Variants in MEF2C observed in about 807,000 individuals in gnomAD.
MEF2C encodes myocyte-specific enhancer factor 2C.
MEF2C carries 6 observed loss-of-function variants against 50.5 expected under a neutral mutation model. That is an observed-to-expected ratio of 0.12 (90% confidence interval 0.07 to 0.23). The LOEUF is 0.23. MEF2C is among the 10% of genes least tolerant of loss of function. The pLI is 1.00. For missense variants in MEF2C, 276 were observed against 605.0 expected, an observed-to-expected ratio of 0.46 and a Z score of 5.70; for synonymous variants, 183 against 228.0, an observed-to-expected ratio of 0.80 and a Z score of 1.78.
chr5:88,725,636 T>C (rs1396893709), intron 10 of MEF2C, among the ~76,000 whole-genome samples: 1 of 152,144 alleles, frequency 6.6e-6, no homozygotes, highest in East Asian at 1.9e-4. Context: ...ATGCAAATTT[T>C]CATCTATTAC....
At chr5:88,796,716 G>T (rs1015614413) in intron 3 of MEF2C, among the ~76,000 whole-genome samples, 5 of 152,112 alleles carry the variant, frequency 3.3e-5, no homozygotes, top group African/African-American at 4.8e-5. Flanking sequence ...TGATGTTAGG[G>T]TGTCAATTTT....
intron 2 of MEF2C, among the ~76,000 whole-genome samples, chr5:88,813,077 G>A (rs1581106742): frequency 1.3e-5 from 2 of 152,192 alleles, no homozygotes; most frequent in Middle Eastern, 6.8e-3. Context: ...TGGTTTCTAG[G>A]TTCTGACAGT....
Position 88,741,262 on chromosome 5 carries a change from T to TG in MEF2C, c.637+7807dup, listed in dbSNP as rs1766628246. On this transcript the variant is annotated intron_variant, in intron 6 of 10. Transcript: ENST00000504921. ...AAGGCTAGAAAATCAAGAATGTAGATGATTATAACCATAGCTCACATTTAT... is the reference window on the plus strand; with the variant it reads ...AAGGCTAGAAAATCAAGAATGTAGATGGATTATAACCATAGCTCACATTTAT... 5.1e-6 allele frequency: 5 copies of TG among 985,224 alleles called. No homozygotes were observed. The South Asian group carries it at 2.3e-4, about 46-fold the overall frequency. 61.0% of individuals were successfully genotyped at this position (985,224 alleles called of 1,614,324 possible).
intron 4 of MEF2C, among the ~76,000 whole-genome samples, chr5:88,759,530 G>A (rs755679174): frequency 1.3e-5 from 2 of 152,086 alleles, no homozygotes; most frequent in African/African-American, 2.4e-5. Flanking sequence ...CAAATGAGCC[G>A]CTTCTTTTTT....
chr5:88,892,302 T>C (rs1048717950), intron 1 of MEF2C: 5 of 152,130 alleles, frequency 3.3e-5, no homozygotes, highest in African/African-American at 1.2e-4. Flanking sequence ...ATGCATATGG[T>C]TTAAATCTCC....
At chr5:88,780,701 T>TAAG (rs1395245685) in intron 3 of MEF2C, 3 of 891,190 alleles carry the variant, frequency 3.4e-6, no homozygotes, top group Non-Finnish European at 4.0e-6. Context: ...ATCATCACAC[T>TAAG]AAGCATTGTT....
At chr5:88,723,908 C>G (rs1449252461) in intron 10 of MEF2C, among the ~76,000 whole-genome samples, 1 of 152,130 alleles carries the variant, frequency 6.6e-6, no homozygotes, top group African/African-American at 2.4e-5. Flanking sequence ...AATTTAGAAA[C>G]TTGGAATTCT....
intron 1 of MEF2C, among the ~76,000 whole-genome samples, chr5:88,843,982 T>C (rs929653724): frequency 2.0e-5 from 3 of 152,086 alleles, no homozygotes; most frequent in African/African-American, 7.2e-5. Flanking sequence ...GATAATTTTT[T>C]TGTATTTTTA....
At chr5:88,783,225 A>T (rs1275867065) in intron 3 of MEF2C, among the ~76,000 whole-genome samples, 1 of 152,176 alleles carries the variant, frequency 6.6e-6, no homozygotes, top group African/African-American at 2.4e-5. Flanking sequence ...AACCTTACCA[A>T]GTGTCAGACC....
chr5:88,748,349 C>A (rs537956505), intron 6 of MEF2C: 2 of 307,424 alleles, frequency 6.5e-6, no homozygotes, highest in African/African-American at 4.5e-5. Context: ...GCAGAAATTA[C>A]CATGGTTACT....
intron 6 of MEF2C, chr5:88,742,782 T>C (rs1331925303): frequency 2.0e-6 from 2 of 985,202 alleles, no homozygotes; most frequent in East Asian, 2.3e-4. Flanking sequence ...GGTATCAAGG[T>C]AATGGTTTAT....
At chr5:88,849,506 A>C (rs1820524964) in intron 1 of MEF2C, among the ~76,000 whole-genome samples, 1 of 152,226 alleles carries the variant, frequency 6.6e-6, no homozygotes. Context: ...AATCTACAAT[A>C]AAAGTTTGAA....
At chr5:88,780,739 T>C (rs1787564649) in intron 3 of MEF2C, 1 of 979,222 alleles carries the variant, frequency 1.0e-6, no homozygotes. Context: ...ATGAAATCAA[T>C]TATTTATTTT....
chr5:88,841,760 T>C (rs1252047552), intron 1 of MEF2C, among the ~76,000 whole-genome samples: 1 of 152,226 alleles, frequency 6.6e-6, no homozygotes, highest in Non-Finnish European at 1.5e-5. Context: ...AATTTTTTTC[T>C]GAGTCACTAC....
chr5:88,813,602 A>G (rs987373497), intron 2 of MEF2C, among the ~76,000 whole-genome samples: 19 of 152,076 alleles, frequency 1.2e-4, no homozygotes, highest in African/African-American at 4.3e-4. Flanking sequence ...CATCTATAAT[A>G]ATAATTGAGG....
At chr5:88,805,873 C>CTTTATA (rs998823921) in intron 2 of MEF2C, among the ~76,000 whole-genome samples, 1 of 105,886 alleles carries the variant, frequency 9.4e-6, no homozygotes, top group Admixed American at 1.3e-4. Context: ...TCTTATAAAC[C>CTTTATA]TTTATATGGT....
intron 2 of MEF2C, among the ~76,000 whole-genome samples, chr5:88,821,533 G>T (rs961245320): frequency 6.6e-6 from 1 of 151,916 alleles, no homozygotes; most frequent in Non-Finnish European, 1.5e-5. Context: ...GGGATTACAA[G>T]CATGAACTAC....
intron 1 of MEF2C, among the ~76,000 whole-genome samples, chr5:88,878,368 T>C (rs1192978015): frequency 6.6e-6 from 1 of 151,306 alleles, no homozygotes; most frequent in Non-Finnish European, 1.5e-5. Context: ...CTTTCTTTCA[T>C]AAGTATATTG....
chr5:88,831,796 C>G lies in MEF2C; in HGVS notation c.-142-7866G>C, dbSNP rs184867333. 3.3e-4 allele frequency among the ~76,000 whole-genome samples: 50 copies of G among 152,164 alleles called. No individual in the cohort carries two copies. In the East Asian group the frequency reaches 4.3e-3, roughly 13 times the overall value. ...TTTCTCTTCATCTCTTTTACAGCAT[C>G]CTAATCAACCTAATTAAGGCTTTGT... is the stretch of plus-strand genomic sequence containing the variant. On this transcript the variant is annotated intron_variant, in intron 1 of 10. Coordinates refer to ENST00000504921, the MANE Select transcript of MEF2C (RefSeq NM_002397.5).
Sources: allele counts gnomAD v4.1 joint callset (sites outside exome capture counted in the v4.1 genomes callset), GRCh38; gene constraint gnomAD v4.1.1; transcripts MANE v1.5; gene names NCBI Gene and HGNC (gene_info 2026-07-23, HGNC 2026-07-21).